Variants in PRKCB observed in about 807,000 individuals in gnomAD.
PRKCB encodes the protein protein kinase C beta type.
A neutral mutation model predicts 81.5 loss-of-function variants in PRKCB; 13 were observed. The ratio of observed to expected loss-of-function variants is 0.16; its 90% CI spans 0.10 to 0.25. PRKCB has a LOEUF of 0.25. Among genes scored for constraint, PRKCB ranks in the 10% least tolerant of loss-of-function variants. The pLI is 1.00. For synonymous variants in PRKCB, 335 were observed against 321.4 expected, an observed-to-expected ratio of 1.04 and a Z score of -0.45; for missense variants, 509 against 875.7, an observed-to-expected ratio of 0.58 and a Z score of 5.29.
At chr16:24,062,218 C>T (rs915965483) in intron 5 of PRKCB, among the ~76,000 whole-genome samples, 1 of 152,186 alleles carries the variant, frequency 6.6e-6, no homozygotes, top group African/African-American at 2.4e-5. Flanking sequence ...TCTGGGCCAG[C>T]TTGTCTGGGG....
At chr16:24,063,351 G>C (rs1965996342) in intron 5 of PRKCB, among the ~76,000 whole-genome samples, 1 of 151,278 alleles carries the variant, frequency 6.6e-6, no homozygotes, top group African/African-American at 2.4e-5. Flanking sequence ...CTGGAGTGCA[G>C]TGGCATGATC....
intron 2 of PRKCB, among the ~76,000 whole-genome samples, chr16:23,967,441 A>G (rs1402458615): frequency 1.3e-5 from 2 of 152,150 alleles, no homozygotes; most frequent in African/African-American, 4.8e-5. Flanking sequence ...AAAATTAATG[A>G]TCTCTGTTGC....
At chr16:24,196,450 T>C (rs957796671) in intron 16 of PRKCB, among the ~76,000 whole-genome samples, 3 of 152,212 alleles carry the variant, frequency 2.0e-5, no homozygotes, top group Admixed American at 2.0e-4. Flanking sequence ...TTGCAGTGTG[T>C]GCTGGGAGAG....
At chr16:23,899,324 G>A (rs986648215) in intron 2 of PRKCB, among the ~76,000 whole-genome samples, 5 of 152,188 alleles carry the variant, frequency 3.3e-5, no homozygotes, top group Non-Finnish European at 7.3e-5. Flanking sequence ...ATCAAGGACA[G>A]TTTAAGGGAA....
intron 5 of PRKCB, among the ~76,000 whole-genome samples, chr16:24,078,607 C>G (rs1322743443): frequency 6.6e-6 from 1 of 152,132 alleles, no homozygotes; most frequent in African/African-American, 2.4e-5. Flanking sequence ...AAAACTCTGC[C>G]GTGCATGAGT....
intron 12 of PRKCB, among the ~76,000 whole-genome samples, chr16:24,180,325 C>T (rs1339167427): frequency 6.6e-6 from 1 of 152,174 alleles, no homozygotes; most frequent in Admixed American, 6.5e-5. Context: ...GAACACTTAG[C>T]ATTAAATATT....
At chr16:24,063,227 G>A (rs1965994663) in intron 5 of PRKCB, among the ~76,000 whole-genome samples, 1 of 151,562 alleles carries the variant, frequency 6.6e-6, no homozygotes, top group Admixed American at 6.6e-5. Flanking sequence ...TTTGTGAGTA[G>A]TACCTTAATT....
intron 8 of PRKCB, among the ~76,000 whole-genome samples, chr16:24,123,034 T>C (rs1313343118): frequency 6.6e-6 from 1 of 152,224 alleles, no homozygotes; most frequent in Non-Finnish European, 1.5e-5. Flanking sequence ...ATGAGAAATA[T>C]TCCGTGTCCA....
chr16:24,176,618 C>A (rs188480983), intron 12 of PRKCB, among the ~76,000 whole-genome samples: 1 of 152,128 alleles, frequency 6.6e-6, no homozygotes, highest in Non-Finnish European at 1.5e-5. Context: ...TGAGGCTGGG[C>A]GCAGTGGCTC....
chr16:23,960,105 A>C (rs1964404889), intron 2 of PRKCB, among the ~76,000 whole-genome samples: 1 of 152,152 alleles, frequency 6.6e-6, no homozygotes, highest in South Asian at 2.1e-4. Flanking sequence ...GAGAGAGGAG[A>C]GGATGATTAA....
At chr16:24,109,472 C>A in intron 7 of PRKCB, among the ~76,000 whole-genome samples, 2 of 103,340 alleles carry the variant, frequency 1.9e-5, no homozygotes, top group South Asian at 3.3e-4. Context: ...CCAGACGGGG[C>A]GGCGGGGCAG....
At chr16:23,855,309 C>A (rs1207842697) in intron 2 of PRKCB, among the ~76,000 whole-genome samples, 1 of 152,148 alleles carries the variant, frequency 6.6e-6, no homozygotes, top group Non-Finnish European at 1.5e-5. Context: ...CCTCCCCAAT[C>A]ACATGTGGGG....
intron 10 of PRKCB, among the ~76,000 whole-genome samples, chr16:24,164,196 G>A (rs968668331): frequency 6.6e-6 from 1 of 152,156 alleles, no homozygotes; most frequent in African/African-American, 2.4e-5. Context: ...ACTTTCAGCT[G>A]TCTTAGGGGA....
intron 2 of PRKCB, among the ~76,000 whole-genome samples, chr16:23,948,922 C>T (rs1964238807): frequency 6.6e-6 from 1 of 152,096 alleles, no homozygotes; most frequent in African/African-American, 2.4e-5. Context: ...TGGAAAGGTC[C>T]TTGCAAATCA....
intron 2 of PRKCB, among the ~76,000 whole-genome samples, chr16:23,865,387 T>A (rs1203394442): frequency 7.2e-6 from 1 of 139,808 alleles, no homozygotes; most frequent in African/African-American, 2.7e-5. Context: ...ACTGCAACCC[T>A]GACCTCCTGG....
At chr16:23,935,508 A>C (rs1479112914) in intron 2 of PRKCB, among the ~76,000 whole-genome samples, 3 of 152,118 alleles carry the variant, frequency 2.0e-5, no homozygotes, top group Admixed American at 1.3e-4. Context: ...ATTAACGTTA[A>C]ATCACACCAG....
intron 3 of PRKCB, among the ~76,000 whole-genome samples, chr16:24,016,844 C>G (rs1965286354): frequency 6.6e-6 from 1 of 152,204 alleles, no homozygotes; most frequent in South Asian, 2.1e-4. Context: ...ATTCCTTATT[C>G]TAAATTCTGA....
chr16:24,018,989 A>C (rs954240666), intron 3 of PRKCB, among the ~76,000 whole-genome samples: 30 of 151,998 alleles, frequency 2.0e-4, no homozygotes, highest in African/African-American at 7.0e-4. Flanking sequence ...TGGGCATGGC[A>C]GTACTGATGT....
intron 9 of PRKCB, among the ~76,000 whole-genome samples, chr16:24,143,875 A>G (rs1966945802): frequency 6.6e-6 from 1 of 152,106 alleles, no homozygotes; most frequent in African/African-American, 2.4e-5. Context: ...TGACAGTGCT[A>G]GATGTTTTGG....
Sources: gnomAD v4.1 joint callset for allele counts (sites outside exome capture counted in the v4.1 genomes callset) on GRCh38, gnomAD v4.1.1 for gene constraint, MANE v1.5 for transcripts, NCBI Gene and HGNC (gene_info 2026-07-23, HGNC 2026-07-21) for gene names.